CAVIN4: variants seen among roughly 807,000 people sequenced by gnomAD.
CAVIN4 encodes caveolae-associated protein 4.
A neutral mutation model predicts 18.6 loss-of-function variants in CAVIN4; 10 were observed. The observed-to-expected ratio is 0.54, with a 90% CI of 0.33 to 0.91. The LOEUF is 0.91. CAVIN4 is among the 40% of genes least tolerant of loss of function. CAVIN4 has a pLI of 0.02. For missense variants in CAVIN4, 459 were observed against 440.5 expected, an observed-to-expected ratio of 1.04 and a Z score of -0.38; for synonymous variants, 173 against 164.8, an observed-to-expected ratio of 1.05 and a Z score of -0.38.
chr9:100,577,180 A>G (rs1839366326), upstream of CAVIN4: 1 of 152,670 alleles, frequency 6.6e-6, no homozygotes, highest in African/African-American at 2.4e-5. Flanking sequence ...AATTTGAACA[A>G]ATATGTTAGT....
At chr9:100,581,518 A>G (rs990003354) in intron 1 of CAVIN4, 9 of 152,250 alleles carry the variant, frequency 5.9e-5, no homozygotes, top group Admixed American at 2.6e-4. Flanking sequence ...CTATAATTCA[A>G]CATCTACAAT....
chr9:100,579,454 G>A (rs993358159), intron 1 of CAVIN4, among the ~76,000 whole-genome samples: 6 of 152,124 alleles, frequency 3.9e-5, no homozygotes, highest in Non-Finnish European at 7.3e-5. Flanking sequence ...TTTAAATGTT[G>A]GCAGTTATTA....
intron 1 of CAVIN4, among the ~76,000 whole-genome samples, chr9:100,584,590 A>G (rs1780020): frequency 0.3 from 44,954 of 152,146 alleles, 7,315 homozygotes; most frequent in Admixed American, 0.4. Context: ...ACTGTGCTAA[A>G]TGTTATAAAC....
Position 100,578,326 on chromosome 9 carries a change from G to C in CAVIN4, c.183G>C (p.Met61Ile). 6.2e-7 allele frequency: 1 copy of C among 1,614,032 alleles called. No individual in the cohort carries two copies. The highest frequency in any genetic ancestry group is 8.5e-7 in the Non-Finnish European group (1 of 1,179,982). The change falls in exon 1 of 2, where the codon ATG becomes ATC. Residue 61 changes from methionine to isoleucine, a missense_variant. By Grantham distance (10) the Met-to-Ile change is conservative (BLOSUM62 1). Transcript: ENST00000307584. ...QKRIEERHRE[M>I]ENAIKSVQID... is the part of the protein sequence containing the mutation. The stretch of plus-strand genomic sequence containing the variant: ...GAATAGAAGAGAGACACAGGGAAAT[G>C]GAAAATGCCATAAAATCCGTCCAGA...
At chr9:100,580,089 GAA>G (rs35501623) in intron 1 of CAVIN4, among the ~76,000 whole-genome samples, 5 of 138,340 alleles carry the variant, frequency 3.6e-5, no homozygotes, top group South Asian at 2.3e-4. Context: ...AAAAATTTGG[GAA>G]AAAAAAAAAA....
Position 100,586,246 on chromosome 9 carries a change from T to C in CAVIN4, c.890T>C (p.Ile297Thr), listed in dbSNP as rs771495511. The C allele has an allele frequency of 3.2e-6, 5 of 1,577,418 alleles. No homozygotes were observed. The highest frequency in any genetic ancestry group is 3.4e-6 in the Non-Finnish European group (4 of 1,161,122). The change falls in exon 2 of 2, where the codon ATT becomes ACT. Residue 297 changes from isoleucine to threonine, a missense_variant. Ile to Thr is a moderately conservative substitution (Grantham distance 89). Transcript: ENST00000307584. ...ECAREMGVDI[I>T]ARSESLGPIS... ...GCCAGGGAGATGGGTGTGGACATCA[T>C]TGCCAGGAGCGAGTCTCTGGGCCCC... is the stretch of plus-strand genomic sequence containing the variant.
chr9:100,583,041 G>C (rs968139834), intron 1 of CAVIN4, among the ~76,000 whole-genome samples: 1 of 152,026 alleles, frequency 6.6e-6, no homozygotes, highest in Non-Finnish European at 1.5e-5. Flanking sequence ...AACACACCTT[G>C]GTGCCAAGGA....
At chr9:100,577,147 C>G (rs1200511165), upstream of CAVIN4, 1 of 152,454 alleles carries the variant, frequency 6.6e-6, no homozygotes, top group African/African-American at 2.4e-5. Flanking sequence ...GATTATTCCT[C>G]CCTTTGAAAA....
Position 100,579,601 on chromosome 9 carries a change from T to A in CAVIN4, c.408+1050T>A, listed in dbSNP as rs946331501. Reference sequence around the variant, plus strand: ...TTAAGAAATTTAAAAATTCACAAACTTTTTGGCCCCAAAATTTATGTCAAA... The same window carrying A: ...TTAAGAAATTTAAAAATTCACAAACATTTTGGCCCCAAAATTTATGTCAAA... On this transcript the variant is annotated intron_variant, in intron 1 of 1. Coordinates refer to ENST00000307584, the MANE Select transcript of CAVIN4 (RefSeq NM_001018116.2). Among the ~76,000 whole-genome samples, 118 of 152,166 alleles carry A rather than the reference T, an allele frequency of 7.8e-4. 1 individual carries two copies. Among genetic ancestry groups the A allele is most frequent in the Non-Finnish European group, 2.9e-4 (20 of 68,030 alleles).
intron 1 of CAVIN4, among the ~76,000 whole-genome samples, chr9:100,583,126 A>G (rs1839444554): frequency 6.6e-6 from 1 of 152,164 alleles, no homozygotes; most frequent in Admixed American, 6.5e-5. Flanking sequence ...TCATGACTTT[A>G]ATTCCATCTT....
chr9:100,580,089 GAAAA>G (rs35501623), intron 1 of CAVIN4, among the ~76,000 whole-genome samples: 4 of 138,326 alleles, frequency 2.9e-5, no homozygotes, highest in Non-Finnish European at 6.3e-5. Context: ...AAAAATTTGG[GAAAA>G]AAAAAAAAAG....
upstream of CAVIN4, chr9:100,577,931 A>T: frequency 2.0e-6 from 1 of 504,190 alleles, no homozygotes; most frequent in Non-Finnish European, 3.6e-6. Context: ...GTCAGTCAGC[A>T]AGCATGTTTG....
At chr9:100,583,855 G>A (rs1198847997) in intron 1 of CAVIN4, among the ~76,000 whole-genome samples, 1 of 152,162 alleles carries the variant, frequency 6.6e-6, no homozygotes, top group African/African-American at 2.4e-5. Flanking sequence ...ATGTTGGCCA[G>A]GCTGGTCTCG....
chr9:100,582,693 A>G (rs912092506), intron 1 of CAVIN4, among the ~76,000 whole-genome samples: 1 of 152,046 alleles, frequency 6.6e-6, no homozygotes, highest in Non-Finnish European at 1.5e-5. Context: ...TCTCTTTGGG[A>G]GTTCCCCCTG....
At chr9:100,578,704 C>G (rs562008418) in intron 1 of CAVIN4, among the ~76,000 whole-genome samples, 153 bp downstream of exon 1, 2 of 152,168 alleles carry the variant, frequency 1.3e-5, no homozygotes, top group East Asian at 3.9e-4. Context: ...AGGATAAAAC[C>G]ATTTCTCTGT....
Position 100,578,479 on chromosome 9 carries a change from T to C in CAVIN4, c.336T>C (p.Ile112=), listed in dbSNP as rs769490492. The C allele has an allele frequency of 1.2e-6, 2 of 1,613,926 alleles. No individual in the cohort carries two copies. Among genetic ancestry groups the C allele is most frequent in the Non-Finnish European group, 8.5e-7 (1 of 1,179,960 alleles). ...DVKARVEKQQ[I]HVKKVEVKQE... Reference sequence around the variant, plus strand: ...AAGCCCGGGTGGAGAAGCAACAAATTCATGTTAAAAAAGTTGAAGTCAAGC... The same window carrying C: ...AAGCCCGGGTGGAGAAGCAACAAATCCATGTTAAAAAAGTTGAAGTCAAGC... The change falls in exon 1 of 2, where the codon ATT becomes ATC. Residue 112 remains isoleucine, a synonymous_variant. Coordinates refer to ENST00000307584, the MANE Select transcript of CAVIN4 (RefSeq NM_001018116.2).
intron 1 of CAVIN4, among the ~76,000 whole-genome samples, chr9:100,584,383 T>A (rs2118611195): frequency 6.6e-6 from 1 of 152,348 alleles, no homozygotes; most frequent in Middle Eastern, 3.4e-3. Flanking sequence ...TGGTTTGTGG[T>A]GTTGCTTAAT....
rs534218505 is a variant in CAVIN4 at position 100,588,351 on chromosome 9, ATTTTC to A, written c.*1903_*1907del. Among the ~76,000 whole-genome samples the A allele has an allele frequency of 9.6e-4, 146 of 152,300 alleles. 1 individual carries two copies. The highest frequency in any genetic ancestry group is 1.7e-3 in the Non-Finnish European group (115 of 68,008). ...AAAGATCTTGGGTGCCTAATCACATATTTTCTTAAGAACCATAATAAATTTGAATT... is the reference window on the plus strand; with the variant it reads ...AAAGATCTTGGGTGCCTAATCACATATTAAGAACCATAATAAATTTGAATT... On this transcript the variant is annotated 3_prime_UTR_variant, in exon 2 of 2. Transcript: ENST00000307584.
chr9:100,585,812 CCTAA>C lies in CAVIN4; in HGVS notation c.459_462del (p.Thr154ArgfsTer15), dbSNP rs766811573. 14 of 1,613,950 alleles carry C rather than the reference CCTAA, an allele frequency of 8.7e-6. No individual in the cohort carries two copies. Among genetic ancestry groups the C allele is most frequent in the East Asian group, 2.2e-5 (1 of 44,868 alleles). ...CCCTGTCTGTTGTTAAAGACAGAAA[CCTAA>C]CTGAGAACCAAGAAGAGGATGATGA... On this transcript the variant is annotated frameshift_variant, in exon 2 of 2. Coordinates refer to ENST00000307584, the MANE Select transcript of CAVIN4 (RefSeq NM_001018116.2). LOFTEE classifies it high-confidence loss of function.
Sources: gnomAD v4.1 joint callset for allele counts (sites outside exome capture counted in the v4.1 genomes callset) on GRCh38, gnomAD v4.1.1 for gene constraint, MANE v1.5 for transcripts, NCBI Gene and HGNC (gene_info 2026-07-23, HGNC 2026-07-21) for gene names.